SEC61A2: variants seen among roughly 807,000 people sequenced by gnomAD.
The protein encoded by SEC61A2 is protein transport protein Sec61 subunit alpha isoform 2.
Under a neutral mutation model 59.9 loss-of-function variants are expected in SEC61A2, and 28 were observed. That is an observed-to-expected ratio of 0.47 (90% CI 0.35 to 0.64). The LOEUF is 0.64. Ranked by LOEUF, SEC61A2 falls within the 30% of genes least tolerant of loss-of-function variation. The pLI, the probability that SEC61A2 is intolerant of heterozygous loss-of-function variation, is 0.01. For missense variants in SEC61A2, 340 were observed against 585.9 expected (o/e 0.58, Z 4.33); for synonymous variants, 202 against 214.4 (o/e 0.94, Z 0.50).
At chr10:12,159,595 T>G (rs2399782) in intron 9 of SEC61A2, among the ~76,000 whole-genome samples, 63,461 of 151,892 alleles carry the variant, frequency 0.42, 13,280 homozygotes, top group East Asian at 0.53. Flanking sequence ...GAGGCTGAGT[T>G]GGGAGGATTG....
Position 12,164,380 on chromosome 10 carries a change from A to G in SEC61A2, c.1357A>G (p.Ile453Val). ...CACTGGAATTCTGCTAGCAGTCACTATTATTTACCAGTATTTTGAAATATT... is the reference window on the plus strand; with the variant it reads ...CACTGGAATTCTGCTAGCAGTCACTGTTATTTACCAGTATTTTGAAATATT... ...SGTGILLAVTIIYQYFEIFVK... is the reference protein window; with the variant it reads ...SGTGILLAVTVIYQYFEIFVK... The change falls in exon 12 of 12, where the codon ATT (isoleucine) becomes GTT (valine). Residue 453 changes from isoleucine to valine, a missense_variant. By Grantham distance (29) the Ile-to-Val change is conservative. Coordinates refer to ENST00000298428, the MANE Select transcript of SEC61A2 (RefSeq NM_018144.4). The surrounding 1 kb of genome is among the most constrained non-coding windows in gnomAD (Gnocchi z 7.3). The G allele has an allele frequency of 1.2e-6, 2 of 1,614,082 alleles. No individual in the cohort carries two copies. Among genetic ancestry groups the G allele is most frequent in the Non-Finnish European group, 1.7e-6 (2 of 1,180,000 alleles).
downstream of SEC61A2, chr10:12,169,716 G>A (rs1834809497): frequency 8.9e-6 from 2 of 224,998 alleles, no homozygotes; most frequent in African/African-American, 4.6e-5. The surrounding 1 kb of genome is among the most constrained non-coding windows in gnomAD (Gnocchi z 4.8). Flanking sequence ...AGAAATCACA[G>A]CAGCCTTTGA....
chr10:12,152,926 G>T lies in SEC61A2; in HGVS notation c.463-2852G>T, dbSNP rs1310230876. Among the ~76,000 whole-genome samples, 2 of 151,894 alleles carry T rather than the reference G, an allele frequency of 1.3e-5. No homozygotes were observed. The highest frequency in any genetic ancestry group is 2.9e-5 in the Non-Finnish European group (2 of 67,962). On this transcript the variant is annotated intron_variant, in intron 6 of 11. Transcript: ENST00000298428. This position sits in a 1 kb window ranked among gnomAD's most constrained non-coding sequence, Gnocchi z 5.5. ...CGACAAAAATTAGCCAGGCGTGGCG[G>T]TGTGTGCCTGTAATCCCAGCTACTA... is the stretch of plus-strand genomic sequence containing the variant.
At chr10:12,144,692 G>A (rs920577174) in intron 4 of SEC61A2, among the ~76,000 whole-genome samples, 3 of 152,062 alleles carry the variant, frequency 2.0e-5, no homozygotes, top group Non-Finnish European at 4.4e-5. Context: ...CCTGAGGGAG[G>A]CATATTCTAG....
chr10:12,140,681 C>T lies in SEC61A2; in HGVS notation c.142-2436C>T, dbSNP rs137906303. On this transcript the variant is annotated intron_variant, in intron 3 of 11. Transcript: ENST00000298428. ...CATGATCTCAGCTCACTGCAACCTC[C>T]GCCTCCCGGATTCAAGCGATTCTCC... Among the ~76,000 whole-genome samples, 1,141 of 151,174 alleles carry T rather than the reference C, an allele frequency of 7.5e-3. 4 individuals are homozygous for T. The highest frequency in any genetic ancestry group is 0.013 in the Non-Finnish European group (872 of 67,718).
At chr10:12,169,617 C>G (rs548723573), downstream of SEC61A2, 1 of 277,056 alleles carries the variant, frequency 3.6e-6, no homozygotes, top group African/African-American at 2.2e-5. This position sits in a 1 kb window ranked among gnomAD's most constrained non-coding sequence, Gnocchi z 4.8. Context: ...TTTGAGCTGT[C>G]GAGGTGGCTT....
In SEC61A2 at chr10:12,156,011, C is replaced by A; in HGVS notation, c.616+80C>A. ...CAAACCCATCGTGTCGCAGTACATG[C>A]CTAGAGCCGTTCTGGTTTGCTCTCC... On this transcript the variant is annotated intron_variant, in intron 7 of 11. Transcript: ENST00000298428. The surrounding 1 kb of genome is among the most constrained non-coding windows in gnomAD (Gnocchi z 5.2). The A allele has an allele frequency of 6.8e-7, 1 of 1,480,174 alleles. No homozygotes were observed. The highest frequency in any genetic ancestry group is 9.4e-7 in the Non-Finnish European group (1 of 1,065,158). 91.7% of individuals were successfully genotyped at this position (1,480,174 alleles called of 1,614,324 possible).
At position 12,155,810 on chromosome 10, in the gene SEC61A2, A is replaced by G. The variant is rs770843814; in HGVS notation, c.495A>G (p.Leu165=). ...LFVAGLIVLL[L]DELLQKGYGL... ...TTGCTGGTTTGATTGTGCTGCTGTT[A>G]GATGAGCTGCTACAGAAGGGTTACG... Residue 165 remains leucine (L), a synonymous_variant, in exon 7 of 12, where the codon TTA becomes TTG. Coordinates refer to ENST00000298428, the MANE Select transcript of SEC61A2 (RefSeq NM_018144.4). This position sits in a 1 kb window ranked among gnomAD's most constrained non-coding sequence, Gnocchi z 4.3. The G allele has an allele frequency of 1.2e-6, 2 of 1,614,252 alleles. No individual in the cohort carries two copies. Among genetic ancestry groups the G allele is most frequent in the South Asian group, 2.2e-5 (2 of 91,088 alleles).
rs368048538 is a variant in SEC61A2, at chr10:12,161,321, C to T, written c.1167+200C>T. On this transcript the variant is annotated intron_variant, in intron 10 of 11. Transcript: ENST00000298428. This position sits in a 1 kb window ranked among gnomAD's most constrained non-coding sequence, Gnocchi z 5.4. ...TCGGCCGGGCACGGTGGTGCAAGCC[C>T]GTGGTCCCAGCTACTTGGGAAGTTG... Among the ~76,000 whole-genome samples, 17 of 152,214 alleles carry T rather than the reference C, an allele frequency of 1.1e-4. No individual in the cohort carries two copies. Among genetic ancestry groups the T allele is most frequent in the South Asian group, 2.1e-4 (1 of 4,818 alleles).
rs1834622065 is a variant in SEC61A2, at chr10:12,164,645, A to G, written c.*191A>G. ...TTAGTACCCGCTGCCTTAAAACTCAAGTTTACATTATTCATTAAAAAAAGT... is the reference window on the plus strand; with the variant it reads ...TTAGTACCCGCTGCCTTAAAACTCAGGTTTACATTATTCATTAAAAAAAGT... On this transcript the variant is annotated 3_prime_UTR_variant, in exon 12 of 12. Transcript: ENST00000298428. The surrounding 1 kb of genome is among the most constrained non-coding windows in gnomAD (Gnocchi z 7.3). The G allele has an allele frequency of 7.2e-7, 1 of 1,381,034 alleles. No individual in the cohort carries two copies. The highest frequency in any genetic ancestry group is 9.3e-7 in the Non-Finnish European group (1 of 1,074,620). 85.5% of individuals were successfully genotyped at this position (1,381,034 alleles called of 1,614,324 possible).
At chr10:12,130,556 A>G (rs1833710159) in intron 1 of SEC61A2, among the ~76,000 whole-genome samples, 1 of 152,190 alleles carries the variant, frequency 6.6e-6, no homozygotes, top group South Asian at 2.1e-4. Context: ...GGGGGCAGCC[A>G]AAAGCTTTGC....
chr10:12,159,448 G>C (rs886336466), intron 9 of SEC61A2, among the ~76,000 whole-genome samples: 2 of 152,168 alleles, frequency 1.3e-5, no homozygotes, highest in Non-Finnish European at 2.9e-5. Flanking sequence ...AGCACTTTGG[G>C]AGAACAAGGA....
At chr10:12,150,193 T>C (rs760118955) in intron 6 of SEC61A2, among the ~76,000 whole-genome samples, 4 of 152,250 alleles carry the variant, frequency 2.6e-5, no homozygotes, top group Non-Finnish European at 5.9e-5. Flanking sequence ...AATAGCTTCA[T>C]AACTGCACAA....
Position 12,149,774 on chromosome 10 carries a change from C to A in SEC61A2, c.352+48C>A. ...AGCATTCTCCAAATTTGAGAGTGCT[C>A]GTGGTAAAGATGTTTTCTCTAGTCT... is the stretch of plus-strand genomic sequence containing the variant. On this transcript the variant is annotated intron_variant, in intron 5 of 11. Coordinates refer to ENST00000298428, the MANE Select transcript of SEC61A2 (RefSeq NM_018144.4). This position sits in a 1 kb window ranked among gnomAD's most constrained non-coding sequence, Gnocchi z 5.2. The A allele has an allele frequency of 1.2e-6, 2 of 1,605,884 alleles. No homozygotes were observed. The highest frequency in any genetic ancestry group is 1.7e-6 in the Non-Finnish European group (2 of 1,175,566).
chr10:12,159,723 T>C (rs1384561347), intron 9 of SEC61A2, among the ~76,000 whole-genome samples: 2 of 152,162 alleles, frequency 1.3e-5, no homozygotes, highest in African/African-American at 4.8e-5. Flanking sequence ...CTAATGTCCT[T>C]TATTCTTTGC....
intron 8 of SEC61A2, among the ~76,000 whole-genome samples, chr10:12,157,646 G>A (rs1395690960): frequency 6.6e-6 from 1 of 151,984 alleles, no homozygotes; most frequent in Non-Finnish European, 1.5e-5. Flanking sequence ...GGGACTACAG[G>A]TGCATATCAC....
At chr10:12,169,813 T>G, downstream of SEC61A2, 1 of 302,794 alleles carries the variant, frequency 3.3e-6, no homozygotes, top group South Asian at 1.0e-4. This position sits in a 1 kb window ranked among gnomAD's most constrained non-coding sequence, Gnocchi z 4.8. Context: ...CTGCTGAAAC[T>G]CAGGGAAAAG....
chr10:12,149,702 G>A lies in SEC61A2; in HGVS notation c.328G>A (p.Ala110Thr). Reference sequence around the variant, plus strand: ...AGTTGGAGATACACCGAAAGATAGAGCTTTATTCAATGGAGCCCAGAAACG... The same window carrying A: ...AGTTGGAGATACACCGAAAGATAGAACTTTATTCAATGGAGCCCAGAAACG... ...IEVGDTPKDR[A>T]LFNGAQKLFG... The change falls in exon 5 of 12, where the codon GCT (alanine) becomes ACT (threonine). Residue 110 changes from alanine to threonine, a missense_variant. Coordinates refer to ENST00000298428, the MANE Select transcript of SEC61A2 (RefSeq NM_018144.4). This position sits in a 1 kb window ranked among gnomAD's most constrained non-coding sequence, Gnocchi z 5.2. 2 of 1,613,212 alleles carry A rather than the reference G, an allele frequency of 1.2e-6. No individual in the cohort carries two copies. Among genetic ancestry groups the A allele is most frequent in the Non-Finnish European group, 1.7e-6 (2 of 1,179,800 alleles).
chr10:12,134,106 A>G (rs1564406145), intron 2 of SEC61A2, among the ~76,000 whole-genome samples: 2 of 152,238 alleles, frequency 1.3e-5, no homozygotes, highest in Admixed American at 6.5e-5. Context: ...TCCCGGGTTC[A>G]CGCCATTCTC....
Sources: gnomAD v4.1 joint callset for allele counts (sites outside exome capture counted in the v4.1 genomes callset) on GRCh38, gnomAD v4.1.1 for gene constraint, Gnocchi (gnomAD v3.1) non-coding constraint, MANE v1.5 for transcripts, NCBI Gene and HGNC (gene_info 2026-07-23, HGNC 2026-07-21) for gene names.